ALK: variants seen among roughly 807,000 people sequenced by gnomAD.
ALK encodes the protein ALK tyrosine kinase receptor.
Under a neutral mutation model 163.1 loss-of-function variants are expected in ALK, and 74 were observed. That is an observed-to-expected ratio of 0.45 (90% confidence interval 0.38 to 0.55). The LOEUF (loss-of-function observed/expected upper bound fraction) is 0.55. ALK is among the 20% of genes least tolerant of loss of function. ALK has a pLI of 0.00. For synonymous variants in ALK, 960 were observed against 843.2 expected, an observed-to-expected ratio of 1.14 and a Z score of -2.40; for missense variants, 2,063 against 2,105.3, an observed-to-expected ratio of 0.98 and a Z score of 0.39.
chr2:29,549,297 T>C (rs1673654062), intron 3 of ALK, among the ~76,000 whole-genome samples: 1 of 152,246 alleles, frequency 6.6e-6, no homozygotes, highest in Non-Finnish European at 1.5e-5. Flanking sequence ...AAATTTCAAA[T>C]GTCCATATGT....
chr2:29,329,429 G>C (rs1667373350), intron 5 of ALK, among the ~76,000 whole-genome samples: 1 of 152,192 alleles, frequency 6.6e-6, no homozygotes, highest in African/African-American at 2.4e-5. Flanking sequence ...ATGTCAGATG[G>C]GGAGACTCTG....
At chr2:29,868,952 T>G (rs975732611) in intron 1 of ALK, among the ~76,000 whole-genome samples, 4 of 152,176 alleles carry the variant, frequency 2.6e-5, no homozygotes, top group African/African-American at 9.6e-5. Flanking sequence ...AGAAGCCACA[T>G]GCAGAGACCT....
chr2:29,265,534 T>C (rs1665200502), intron 11 of ALK, among the ~76,000 whole-genome samples: 1 of 152,210 alleles, frequency 6.6e-6, no homozygotes, highest in East Asian at 1.9e-4. Flanking sequence ...GTTAGGTTGC[T>C]GGACAACCAC....
At chr2:29,281,259 C>T (rs1190542340) in intron 9 of ALK, among the ~76,000 whole-genome samples, 6 of 152,160 alleles carry the variant, frequency 3.9e-5, no homozygotes, top group African/African-American at 1.4e-4. Flanking sequence ...CATAGTTACT[C>T]CTCTGCCCCA....
At chr2:29,237,096 T>C (rs1664406258) in intron 13 of ALK, among the ~76,000 whole-genome samples, 1 of 152,238 alleles carries the variant, frequency 6.6e-6, no homozygotes, top group Non-Finnish European at 1.5e-5. Context: ...CTTTTCTTTC[T>C]CTTAATTTCT....
chr2:29,740,259 T>C (rs1248003067), intron 1 of ALK, among the ~76,000 whole-genome samples: 5 of 151,858 alleles, frequency 3.3e-5, no homozygotes. Flanking sequence ...TTAACAAAAG[T>C]AACGCTTTCC....
intron 1 of ALK, among the ~76,000 whole-genome samples, chr2:29,902,997 T>G (rs1390401895): frequency 6.6e-6 from 1 of 152,216 alleles, no homozygotes; most frequent in African/African-American, 2.4e-5. Context: ...TGCACTTAAC[T>G]AGGACCCAGA....
chr2:29,758,291 C>T (rs771301919), intron 1 of ALK, among the ~76,000 whole-genome samples: 13 of 152,090 alleles, frequency 8.5e-5, no homozygotes, highest in Non-Finnish European at 1.5e-4. Context: ...CCCAGCCCCA[C>T]GTACTCTTAT....
At chr2:29,701,771 C>G (rs1046211570) in intron 2 of ALK, among the ~76,000 whole-genome samples, 1 of 152,102 alleles carries the variant, frequency 6.6e-6, no homozygotes, top group East Asian at 1.9e-4. Context: ...CTTATTTAAT[C>G]CCTATGAATT....
rs115089619 is a variant in ALK, at chr2:29,465,218, G to T, written c.1154+66697C>A. Reference sequence around the variant, plus strand: ...CAATATATGCAGAGACCAAATATAAGAATGGCAGCAGACTCATTGTCAGAA... The same window carrying T: ...CAATATATGCAGAGACCAAATATAATAATGGCAGCAGACTCATTGTCAGAA... On this transcript the variant is annotated intron_variant, in intron 4 of 28. Transcript: ENST00000389048. Among the ~76,000 whole-genome samples the T allele has an allele frequency of 8.1e-3, 1,239 of 152,220 alleles. 14 individuals carry two copies. The highest frequency in any genetic ancestry group is 0.027 in the African/African-American group (1,116 of 41,526).
chr2:29,433,767 A>T (rs1344288796), intron 4 of ALK, among the ~76,000 whole-genome samples: 1 of 152,194 alleles, frequency 6.6e-6, no homozygotes. Context: ...TCAATTCTGG[A>T]AGGAAAATGG....
At chr2:29,826,576 T>C (rs985483153) in intron 1 of ALK, among the ~76,000 whole-genome samples, 2 of 152,222 alleles carry the variant, frequency 1.3e-5, no homozygotes, top group Non-Finnish European at 2.9e-5. Context: ...TTAAAATGTT[T>C]ATGCAACTCT....
intron 4 of ALK, among the ~76,000 whole-genome samples, chr2:29,385,798 T>C (rs1669018652): frequency 6.6e-6 from 1 of 152,232 alleles, no homozygotes; most frequent in South Asian, 2.1e-4. Context: ...ACAATATAGA[T>C]TACAGTATCA....
chr2:29,328,270 T>C, intron 6 of ALK, 80 bp downstream of exon 6: 2 of 1,605,368 alleles, frequency 1.2e-6, no homozygotes, highest in South Asian at 1.1e-5. Context: ...GTCCATGCTC[T>C]CATGCCTGGG....
intron 4 of ALK, among the ~76,000 whole-genome samples, chr2:29,426,756 T>A (rs1405814235): frequency 6.6e-6 from 1 of 152,136 alleles, no homozygotes; most frequent in Non-Finnish European, 1.5e-5. Flanking sequence ...AAAGCAGTTA[T>A]AGGCCGGGCA....
intron 4 of ALK, among the ~76,000 whole-genome samples, chr2:29,484,459 C>T (rs1170101970): frequency 3.3e-5 from 5 of 152,074 alleles, no homozygotes; most frequent in Non-Finnish European, 7.4e-5. Context: ...TAAAGTGTTC[C>T]TCTATTGTCA....
chr2:29,391,383 C>T (rs1471725305), intron 4 of ALK, among the ~76,000 whole-genome samples: 9 of 151,378 alleles, frequency 5.9e-5, no homozygotes, highest in East Asian at 3.9e-4. Context: ...CTCACTGCAA[C>T]GTCCGCCTCC....
At chr2:29,345,953 A>G (rs1184592657) in intron 5 of ALK, among the ~76,000 whole-genome samples, 1 of 152,242 alleles carries the variant, frequency 6.6e-6, no homozygotes, top group African/African-American at 2.4e-5. Context: ...TCAAATTGTT[A>G]ACCATAGTTA....
chr2:29,418,904 T>C (rs1669947761), intron 4 of ALK, among the ~76,000 whole-genome samples: 1 of 151,776 alleles, frequency 6.6e-6, no homozygotes, highest in African/African-American at 2.4e-5. Context: ...CATTCATCAT[T>C]GAAAAATTAT....
Sources: allele counts gnomAD v4.1 joint callset (sites outside exome capture counted in the v4.1 genomes callset), GRCh38; gene constraint gnomAD v4.1.1; transcripts MANE v1.5; gene names NCBI Gene and HGNC (gene_info 2026-07-23, HGNC 2026-07-21).